The following SLC39A11 variants were observed in gnomAD, a reference collection of about 807,000 sequenced individuals.
The protein encoded by SLC39A11 is zinc transporter ZIP11.
In SLC39A11, 33 loss-of-function variants were observed where a neutral mutation model predicts 36.1. That is an observed-to-expected ratio of 0.91 (90% CI 0.69 to 1.22). The LOEUF is 1.22. SLC39A11 is among the 50% of genes most tolerant of loss of function. SLC39A11 has a pLI of 0.00. For synonymous variants in SLC39A11, 166 were observed against 170.3 expected (o/e 0.97, Z 0.20); for missense variants, 432 against 430.3 (o/e 1.00, Z -0.03).
At chr17:72,933,032 G>T (rs1249726446) in intron 5 of SLC39A11, among the ~76,000 whole-genome samples, 1 of 152,142 alleles carries the variant, frequency 6.6e-6, no homozygotes, top group Non-Finnish European at 1.5e-5. Context: ...TCAGAAATAA[G>T]GCAAGACTGT....
intron 4 of SLC39A11, among the ~76,000 whole-genome samples, chr17:73,008,160 TTTTTG>T (rs1260890587): frequency 1.3e-4 from 10 of 77,026 alleles, no homozygotes; most frequent in Middle Eastern, 8.1e-3. Flanking sequence ...TGTTGTTTTT[TTTTTG>T]TTTTTTTTTT....
chr17:72,653,432 T>C (rs568851529), intron 7 of SLC39A11, among the ~76,000 whole-genome samples: 33 of 120,060 alleles, frequency 2.7e-4, no homozygotes, highest in African/African-American at 1.2e-3. Context: ...TTTTCTTTTC[T>C]TTTCTTTTCT....
chr17:73,044,878 GAAA>G (rs11298701), intron 3 of SLC39A11, among the ~76,000 whole-genome samples: 5 of 119,034 alleles, frequency 4.2e-5, no homozygotes, highest in African/African-American at 3.1e-5. Flanking sequence ...CTCTGTCTCA[GAAA>G]AAAAAAAAAA....
At chr17:72,907,615 C>T (rs545522955) in intron 5 of SLC39A11, among the ~76,000 whole-genome samples, 2 of 152,312 alleles carry the variant, frequency 1.3e-5, no homozygotes, top group South Asian at 4.1e-4. Context: ...CACAGAAGTT[C>T]TGAAATAGTC....
chr17:73,074,304 ACCCCCCG>A (rs1467337405), intron 3 of SLC39A11, among the ~76,000 whole-genome samples: 1 of 55,438 alleles, frequency 1.8e-5, no homozygotes, highest in African/African-American at 7.1e-5. Context: ...TATTCCCCCC[ACCCCCCG>A]CCCCAAGACA....
intron 5 of SLC39A11, among the ~76,000 whole-genome samples, chr17:72,899,338 C>A (rs949348375): frequency 1.3e-5 from 2 of 151,946 alleles, no homozygotes; most frequent in Admixed American, 6.5e-5. Flanking sequence ...CAACTACAGA[C>A]TGAAGCCCAC....
intron 6 of SLC39A11, among the ~76,000 whole-genome samples, chr17:72,761,643 G>C (rs188809877): frequency 3.3e-5 from 5 of 152,318 alleles, no homozygotes; most frequent in Admixed American, 2.0e-4. Flanking sequence ...GAGAGGCTAA[G>C]CAACCTGGGT....
chr17:72,666,673 C>T (rs2070769885), intron 7 of SLC39A11, among the ~76,000 whole-genome samples: 2 of 152,214 alleles, frequency 1.3e-5, no homozygotes, highest in Admixed American at 1.3e-4. Flanking sequence ...CCTGCTCCTC[C>T]TCTTCCTTCA....
intron 6 of SLC39A11, among the ~76,000 whole-genome samples, chr17:72,832,731 A>T (rs1428655339): frequency 6.6e-6 from 1 of 152,378 alleles, no homozygotes; most frequent in Admixed American, 6.5e-5. Flanking sequence ...ACTCCACACC[A>T]TAACAGCTAT....
At chr17:72,690,078 G>C (rs2071951060) in intron 7 of SLC39A11, among the ~76,000 whole-genome samples, 1 of 152,200 alleles carries the variant, frequency 6.6e-6, no homozygotes, top group African/African-American at 2.4e-5. Context: ...TCCTCCTTCT[G>C]GGGAGCGTGT....
At chr17:72,774,186 T>C (rs979145315) in intron 6 of SLC39A11, among the ~76,000 whole-genome samples, 5 of 152,208 alleles carry the variant, frequency 3.3e-5, no homozygotes, top group African/African-American at 7.2e-5. Context: ...GCTGGTATAA[T>C]GGACAGCTGG....
chr17:73,012,791 G>A lies in SLC39A11; in HGVS notation c.306+18765C>T, dbSNP rs185686494. Among the ~76,000 whole-genome samples the A allele has an allele frequency of 3.1e-3, 472 of 151,688 alleles. 3 individuals are homozygous for A. Among genetic ancestry groups the A allele is most frequent in the Admixed American group, 5.9e-3 (90 of 15,174 alleles). ...TTTATTTTATTTATTTATTTATTTAGAGCCACATATTTATTTATTTATTTA... is the reference window on the plus strand; with the variant it reads ...TTTATTTTATTTATTTATTTATTTAAAGCCACATATTTATTTATTTATTTA... On this transcript the variant is annotated intron_variant, in intron 4 of 9. Coordinates refer to ENST00000255559, the MANE Select transcript of SLC39A11 (RefSeq NM_139177.4).
intron 5 of SLC39A11, among the ~76,000 whole-genome samples, chr17:72,914,469 A>G (rs950252531): frequency 6.6e-6 from 1 of 152,228 alleles, no homozygotes; most frequent in Non-Finnish European, 1.5e-5. Flanking sequence ...GAGGATGTGC[A>G]TATAGGTTAT....
At chr17:72,807,526 A>G (rs1250649553) in intron 6 of SLC39A11, among the ~76,000 whole-genome samples, 1 of 152,240 alleles carries the variant, frequency 6.6e-6, no homozygotes, top group Non-Finnish European at 1.5e-5. Context: ...CCAAGTGATT[A>G]GAAGGCTAGA....
At chr17:72,887,579 G>T (rs1030210543) in intron 5 of SLC39A11, among the ~76,000 whole-genome samples, 1 of 152,152 alleles carries the variant, frequency 6.6e-6, no homozygotes, top group Non-Finnish European at 1.5e-5. Context: ...GAGAACAGTC[G>T]CAGCCATGCT....
intron 5 of SLC39A11, among the ~76,000 whole-genome samples, chr17:72,884,325 T>G (rs2081349923): frequency 6.6e-6 from 1 of 152,224 alleles, no homozygotes; most frequent in African/African-American, 2.4e-5. Context: ...AGTGCACTAT[T>G]CTAAATTTCA....
At chr17:72,746,960 T>C (rs1470176451) in intron 6 of SLC39A11, among the ~76,000 whole-genome samples, 1 of 151,370 alleles carries the variant, frequency 6.6e-6, no homozygotes, top group East Asian at 2.0e-4. Flanking sequence ...GGAGGAAGGA[T>C]CGTTTGAGCC....
intron 6 of SLC39A11, among the ~76,000 whole-genome samples, chr17:72,772,194 C>A (rs1486405938): frequency 6.6e-6 from 1 of 151,158 alleles, no homozygotes; most frequent in African/African-American, 2.4e-5. Flanking sequence ...GCCCTCCACC[C>A]CAGGAAGGGC....
At chr17:72,745,738 T>C (rs985474665) in intron 6 of SLC39A11, among the ~76,000 whole-genome samples, 1 of 152,188 alleles carries the variant, frequency 6.6e-6, no homozygotes, top group African/African-American at 2.4e-5. Flanking sequence ...GTTTTAGAAG[T>C]TATAGCCAGA....
Sources: gnomAD v4.1 joint callset for allele counts (sites outside exome capture counted in the v4.1 genomes callset) on GRCh38, gnomAD v4.1.1 for gene constraint, MANE v1.5 for transcripts, NCBI Gene and HGNC (gene_info 2026-07-23, HGNC 2026-07-21) for gene names.